CYTH4: variants seen among roughly 807,000 people sequenced by gnomAD.
CYTH4 encodes cytohesin-4.
In CYTH4, 22 loss-of-function variants were observed where a neutral mutation model predicts 57.5. That is an observed-to-expected ratio of 0.38 (90% CI 0.27 to 0.55). The LOEUF (loss-of-function observed/expected upper bound fraction) is 0.55. CYTH4 is among the 20% of genes least tolerant of loss of function. The probability of loss-of-function intolerance (pLI) is 0.74; values close to 1 mark genes in which losing one functional copy is unlikely to be tolerated. For synonymous variants in CYTH4, 186 were observed against 206.5 expected (o/e 0.90, Z 0.85); for missense variants, 420 against 535.6 (o/e 0.78, Z 2.13).
chr22:37,302,289 A>G (rs958395872), intron 7 of CYTH4, among the ~76,000 whole-genome samples: 1 of 152,242 alleles, frequency 6.6e-6, no homozygotes, highest in Admixed American at 6.5e-5. Flanking sequence ...CAGAGTATGT[A>G]CTCAATAAAT....
chr22:37,289,034 C>T (rs1569105064), intron 1 of CYTH4, among the ~76,000 whole-genome samples: 1 of 152,164 alleles, frequency 6.6e-6, no homozygotes, highest in Non-Finnish European at 1.5e-5. Context: ...AACACATTTC[C>T]AACACGTGTC....
chr22:37,283,903 G>A lies in CYTH4; in HGVS notation c.19+1315G>A, dbSNP rs138406643. Among the ~76,000 whole-genome samples the A allele has an allele frequency of 1.3e-4, 20 of 152,230 alleles. 1 individual carries two copies. The East Asian group carries it at 3.9e-3, about 29-fold the overall frequency. On this transcript the variant is annotated intron_variant, in intron 1 of 12. Coordinates refer to ENST00000248901, the MANE Select transcript of CYTH4 (RefSeq NM_013385.5). ...ATGAGGGGGGGAGGGCACCCACCGA[G>A]ATGCAACCCCCCTGCCTGTGTGTCC...
In CYTH4 at chr22:37,314,474, G is replaced by A. The variant is rs553504166; in HGVS notation, c.*963G>A. ...GTGCACTGTGGTTAACAGGAGGGCT[G>A]CCTGGAGGCAGTGGCTGAGCCAGAA... is the stretch of plus-strand genomic sequence containing the variant. On this transcript the variant is annotated 3_prime_UTR_variant, in exon 13 of 13. Coordinates refer to ENST00000248901, the MANE Select transcript of CYTH4 (RefSeq NM_013385.5). 33 of 398,702 alleles carry A rather than the reference G, an allele frequency of 8.3e-5. No individual in the cohort carries two copies. The highest frequency in any genetic ancestry group is 6.3e-4 in the Middle Eastern group (1 of 1,588). 24.7% of individuals were successfully genotyped at this position (398,702 alleles called of 1,614,324 possible).
chr22:37,283,466 C>T (rs1480267496), intron 1 of CYTH4, among the ~76,000 whole-genome samples: 1 of 152,144 alleles, frequency 6.6e-6, no homozygotes, highest in Non-Finnish European at 1.5e-5. Context: ...GTCTGCTCCC[C>T]AGGTCCAGAT....
At chr22:37,312,548 G>C (rs974484487) in intron 12 of CYTH4, among the ~76,000 whole-genome samples, 1 of 152,212 alleles carries the variant, frequency 6.6e-6, no homozygotes, top group Non-Finnish European at 1.5e-5. Context: ...TAAACTTCCA[G>C]GTAAAAGGAC....
chr22:37,300,718 T>C (rs1929146258), intron 6 of CYTH4, among the ~76,000 whole-genome samples, 189 bp from the exon 7 acceptor site: 1 of 152,226 alleles, frequency 6.6e-6, no homozygotes, highest in African/African-American at 2.4e-5. Flanking sequence ...AGAAAAGGCA[T>C]TTCTTGGCTA....
chr22:37,284,578 G>T (rs979808582), intron 1 of CYTH4, among the ~76,000 whole-genome samples: 5 of 152,174 alleles, frequency 3.3e-5, no homozygotes, highest in Middle Eastern at 3.2e-3. Context: ...GTTCTGATTT[G>T]TCATCTCTAC....
Position 37,314,647 on chromosome 22 carries a change from C to G in CYTH4, c.*1136C>G, listed in dbSNP as rs1340174175. On this transcript the variant is annotated 3_prime_UTR_variant, in exon 13 of 13. Transcript: ENST00000248901. ...CTGCAGAAGTATTATCAGAGTAGAG[C>G]TGACTTCCAGTACCCGGGCAGCCAG... is the stretch of plus-strand genomic sequence containing the variant. 1 of 382,874 alleles carries G rather than the reference C, an allele frequency of 2.6e-6. No individual in the cohort carries two copies. The highest frequency in any genetic ancestry group is 3.7e-5 in the East Asian group (1 of 26,952). The allele number at this position is 382,874 out of a possible 1,614,324, so 23.7% of individuals were successfully genotyped here.
chr22:37,313,757 G>A lies in CYTH4; in HGVS notation c.*246G>A, dbSNP rs1483981751. The A allele has an allele frequency of 2.7e-5, 15 of 546,094 alleles. No homozygotes were observed. The highest frequency in any genetic ancestry group is 2.3e-4 in the Admixed American group (7 of 30,890). The allele number at this position is 546,094 out of a possible 1,614,324, so 33.8% of individuals were successfully genotyped here. On this transcript the variant is annotated 3_prime_UTR_variant, in exon 13 of 13. Transcript: ENST00000248901. Reference sequence around the variant, plus strand: ...ACCCAGCTGCAGGCCCCTGCCCTACGTGCACTACAGGAAGGGGTGAGGAGA... The same window carrying A: ...ACCCAGCTGCAGGCCCCTGCCCTACATGCACTACAGGAAGGGGTGAGGAGA...
rs1929095235 is a variant in CYTH4 at position 37,299,304 on chromosome 22, C to A, written c.432C>A (p.Leu144=). ...CCAACCTCAACCTCGTCCAGGCCCT[C>A]AGGTGAGTAGTCCTGGGGCAGGGTC... is the stretch of plus-strand genomic sequence containing the variant. ...EFANLNLVQA[L]RQFLWSFRLP... Residue 144 remains leucine (L), a splice_region_variant and synonymous_variant, in exon 6 of 13, where the codon CTC becomes CTA. Transcript: ENST00000248901. 6.2e-7 allele frequency: 1 copy of A among 1,614,020 alleles called. No individual in the cohort carries two copies. Among genetic ancestry groups the A allele is most frequent in the Non-Finnish European group, 8.5e-7 (1 of 1,179,948 alleles).
Position 37,311,855 on chromosome 22 carries a change from G to T in CYTH4, c.958-165G>T. On this transcript the variant is annotated intron_variant, in intron 11 of 12. Coordinates refer to ENST00000248901, the MANE Select transcript of CYTH4 (RefSeq NM_013385.5). The surrounding 1 kb of genome is among the most constrained non-coding windows in gnomAD (Gnocchi z 4.4). ...GGGAGGATGGTGGATTCAGGAGCCT[G>T]CCACAGAGAGAGTGCTCAGTGTGGG... The T allele has an allele frequency of 1.2e-6, 1 of 869,020 alleles. No individual in the cohort carries two copies. The highest frequency in any genetic ancestry group is 1.9e-5 in the South Asian group (1 of 54,024). 53.8% of individuals were successfully genotyped at this position (869,020 alleles called of 1,614,324 possible). A position where few individuals can be genotyped will look rare whatever the true frequency, so the allele number is the denominator to read the frequency against.
rs192953210 is a variant in CYTH4 at position 37,297,068 on chromosome 22, G to A, written c.235-496G>A. 7.9e-5 allele frequency among the ~76,000 whole-genome samples: 12 copies of A among 152,336 alleles called. 1 individual carries two copies. The East Asian group carries it at 1.9e-3, about 24-fold the overall frequency. On this transcript the variant is annotated intron_variant, in intron 4 of 12. Transcript: ENST00000248901. The stretch of plus-strand genomic sequence containing the variant: ...ATAGAAAGGGAAGGAAGGTCACCAC[G>A]ATGGAAGCTGTCTGCCTCCGAGCGG...
At chr22:37,292,069 C>T (rs1432137311) in intron 1 of CYTH4, 1 of 152,636 alleles carries the variant, frequency 6.6e-6, no homozygotes, top group East Asian at 1.9e-4. Context: ...GCTACAGGCT[C>T]ATTTCCCAGC....
chr22:37,301,682 CTTTTTTTTTTT>C (rs71798839), intron 7 of CYTH4, among the ~76,000 whole-genome samples: 1,266 of 50,510 alleles, frequency 0.025, 24 homozygotes, highest in African/African-American at 0.055. Context: ...CCACTCAATC[CTTTTTTTTTTT>C]TTTTTTTTTT....
Position 37,311,819 on chromosome 22 carries a change from T to C in CYTH4, c.958-201T>C, listed in dbSNP as rs992954106. 19 of 728,728 alleles carry C rather than the reference T, an allele frequency of 2.6e-5. No individual in the cohort carries two copies. In the African/African-American group the frequency reaches 3.4e-4, roughly 13 times the overall value. The allele number at this position is 728,728 out of a possible 1,614,324, so 45.1% of individuals were successfully genotyped here. A position where few individuals can be genotyped will look rare whatever the true frequency, so the allele number is the denominator to read the frequency against. ...AACCTCAGTGAGCCCACATGTCACG[T>C]GGGGACTTTAGGGAGGATGGTGGAT... On this transcript the variant is annotated intron_variant, in intron 11 of 12. Coordinates refer to ENST00000248901, the MANE Select transcript of CYTH4 (RefSeq NM_013385.5). This position sits in a 1 kb window ranked among gnomAD's most constrained non-coding sequence, Gnocchi z 4.4.
At chr22:37,312,210 C>A (rs1292241353) in intron 12 of CYTH4, 36 bp downstream of exon 12, 1 of 1,603,596 alleles carries the variant, frequency 6.2e-7, no homozygotes, top group African/African-American at 1.3e-5. Flanking sequence ...GGCTTCCCGT[C>A]ACCTTCCAGA....
chr22:37,311,520 A>G lies in CYTH4; in HGVS notation c.950A>G (p.Lys317Arg), dbSNP rs749033596. ...NLSVQKVDDP[K>R]KPFCLELYNP... is the part of the protein sequence containing the mutation. Reference sequence around the variant, plus strand: ...TCGGTGCAGAAGGTGGATGACCCCAAGAAGCCAGTAGGTGTTCAGGTTGCA... The same window carrying G: ...TCGGTGCAGAAGGTGGATGACCCCAGGAAGCCAGTAGGTGTTCAGGTTGCA... Residue 317 changes from lysine (K) to arginine (R), a missense_variant, in exon 11 of 13, where the codon AAG becomes AGG. Transcript: ENST00000248901. The surrounding 1 kb of genome is among the most constrained non-coding windows in gnomAD (Gnocchi z 4.4). 2 of 1,613,998 alleles carry G rather than the reference A, an allele frequency of 1.2e-6. No homozygotes were observed. The highest frequency in any genetic ancestry group is 4.5e-5 in the East Asian group (2 of 44,882).
Position 37,311,929 on chromosome 22 carries a change from A to T in CYTH4, c.958-91A>T. On this transcript the variant is annotated intron_variant, in intron 11 of 12. Transcript: ENST00000248901. This position sits in a 1 kb window ranked among gnomAD's most constrained non-coding sequence, Gnocchi z 4.4. ...CTGTCGTAGGGCTGTCACGCTGATCAGGGACACTAGCGTCTGGGCTTCTCT... is the reference window on the plus strand; with the variant it reads ...CTGTCGTAGGGCTGTCACGCTGATCTGGGACACTAGCGTCTGGGCTTCTCT... 2 of 1,496,912 alleles carry T rather than the reference A, an allele frequency of 1.3e-6. No individual in the cohort carries two copies. Among genetic ancestry groups the T allele is most frequent in the Non-Finnish European group, 9.1e-7 (1 of 1,099,492 alleles). The allele number at this position is 1,496,912 out of a possible 1,614,324, so 92.7% of individuals were successfully genotyped here.
intron 6 of CYTH4, among the ~76,000 whole-genome samples, chr22:37,299,805 C>A (rs1328825847): frequency 6.6e-6 from 1 of 152,112 alleles, no homozygotes; most frequent in Non-Finnish European, 1.5e-5. Flanking sequence ...CCCCGTGTGA[C>A]CTTAAGCAAG....
Sources: gnomAD v4.1 joint callset for allele counts (sites outside exome capture counted in the v4.1 genomes callset) on GRCh38, gnomAD v4.1.1 for gene constraint, Gnocchi (gnomAD v3.1) non-coding constraint, MANE v1.5 for transcripts, NCBI Gene and HGNC (gene_info 2026-07-23, HGNC 2026-07-21) for gene names.